Variants in PTPRD observed in about 807,000 individuals in gnomAD.
PTPRD encodes the protein protein tyrosine phosphatase receptor type D, also known as receptor-type tyrosine-protein phosphatase delta.
Under a neutral mutation model 214.5 loss-of-function variants are expected in PTPRD, and 34 were observed. The observed-to-expected ratio is 0.16, with a 90% CI of 0.12 to 0.21. The LOEUF (loss-of-function observed/expected upper bound fraction) is 0.21, where lower values mean the gene tolerates loss of function less well. Among genes scored for constraint, PTPRD ranks in the 10% least tolerant of loss-of-function variants. PTPRD has a pLI of 1.00. For missense variants in PTPRD, 2,545 were observed against 2,398.7 expected, an observed-to-expected ratio of 1.06 and a Z score of -1.27; for synonymous variants, 1,128 against 845.7, an observed-to-expected ratio of 1.33 and a Z score of -5.79.
rs138667693 is a variant in PTPRD at position 8,961,270 on chromosome 9, A to G, written c.-104+57427T>C. Among the ~76,000 whole-genome samples the G allele has an allele frequency of 6.0e-3, 918 of 152,256 alleles. 7 individuals carry two copies. Among genetic ancestry groups the G allele is most frequent in the Middle Eastern group, 0.017 (5 of 294 alleles). On this transcript the variant is annotated intron_variant, in intron 11 of 45. Coordinates refer to ENST00000381196, the MANE Select transcript of PTPRD (RefSeq NM_002839.4). ...TTCCAGGGACAAAGGGCAGATGTACATAAAACACAATGGTATCTTTGTGGA... is the reference window on the plus strand; with the variant it reads ...TTCCAGGGACAAAGGGCAGATGTACGTAAAACACAATGGTATCTTTGTGGA...
At chr9:8,708,959 G>A (rs2154402260) in intron 12 of PTPRD, among the ~76,000 whole-genome samples, 1 of 152,164 alleles carries the variant, frequency 6.6e-6, no homozygotes, top group East Asian at 1.9e-4. Context: ...ATATGGATGA[G>A]TCTGGAGACC....
At chr9:9,236,976 G>T (rs1054892601) in intron 9 of PTPRD, among the ~76,000 whole-genome samples, 1 of 152,062 alleles carries the variant, frequency 6.6e-6, no homozygotes, top group South Asian at 2.1e-4. Flanking sequence ...GCCTCAAAAG[G>T]CTTATTAGTT....
chr9:8,957,250 G>A (rs536857590), intron 11 of PTPRD, among the ~76,000 whole-genome samples: 1 of 151,624 alleles, frequency 6.6e-6, no homozygotes, highest in South Asian at 2.1e-4. Context: ...AATTTTCTGG[G>A]GCTACCTACT....
intron 8 of PTPRD, among the ~76,000 whole-genome samples, chr9:9,520,520 AC>A (rs1356349991): frequency 6.6e-6 from 1 of 152,112 alleles, no homozygotes; most frequent in Non-Finnish European, 1.5e-5. Flanking sequence ...TGGAAGAAAT[AC>A]AGTGTCTTTT....
chr9:8,389,207 G>GA (rs774527529), intron 37 of PTPRD, 25 bp downstream of exon 37: 1 of 1,576,612 alleles, frequency 6.3e-7, no homozygotes, highest in Non-Finnish European at 8.6e-7. Flanking sequence ...TTTTTAAAAG[G>GA]AAAGAGGTGG....
intron 9 of PTPRD, among the ~76,000 whole-genome samples, chr9:9,360,387 A>C (rs763174378): frequency 4.0e-5 from 6 of 151,288 alleles, no homozygotes; most frequent in Non-Finnish European, 7.4e-5. Context: ...CCTTAGACTT[A>C]GGCAAGTAAA....
chr9:10,073,747 T>A (rs1466149777), intron 3 of PTPRD, among the ~76,000 whole-genome samples: 3 of 152,078 alleles, frequency 2.0e-5, no homozygotes, highest in African/African-American at 7.2e-5. Context: ...GTTGAGGAAC[T>A]AAAAGCCTCT....
intron 7 of PTPRD, among the ~76,000 whole-genome samples, chr9:9,649,065 TG>T (rs1476034170): frequency 6.6e-6 from 1 of 152,044 alleles, no homozygotes; most frequent in Non-Finnish European, 1.5e-5. Context: ...CCAGGGGAAT[TG>T]GGCGAGAGTT....
intron 8 of PTPRD, among the ~76,000 whole-genome samples, chr9:9,442,887 C>T (rs1569568365): frequency 1.3e-5 from 2 of 152,022 alleles, no homozygotes; most frequent in African/African-American, 2.4e-5. Context: ...TTATTTGAGC[C>T]ATTGTGGTGT....
chr9:9,476,790 C>T (rs558002245), intron 8 of PTPRD, among the ~76,000 whole-genome samples: 13 of 152,118 alleles, frequency 8.5e-5, no homozygotes, highest in Middle Eastern at 3.4e-3. Context: ...GGCTGGAGGG[C>T]GATGGCACCA....
chr9:9,384,688 C>A lies in PTPRD; in HGVS notation c.-203+12761G>T, dbSNP rs1359069711. On this transcript the variant is annotated intron_variant, in intron 9 of 45. Coordinates refer to ENST00000381196, the MANE Select transcript of PTPRD (RefSeq NM_002839.4). Reference sequence around the variant, plus strand: ...TAACTTGTAGTTGTTGGTTGTTTGCCAATACTAATAAAATGAGCTCCTTGA... The same window carrying A: ...TAACTTGTAGTTGTTGGTTGTTTGCAAATACTAATAAAATGAGCTCCTTGA... Among the ~76,000 whole-genome samples the A allele has an allele frequency of 3.3e-5, 5 of 151,774 alleles. No homozygotes were observed. The East Asian group carries it at 5.8e-4, about 18-fold the overall frequency.
chr9:8,345,029 A>G (rs958348350), intron 39 of PTPRD, among the ~76,000 whole-genome samples: 2 of 75,410 alleles, frequency 2.7e-5, no homozygotes, highest in African/African-American at 6.1e-5. Context: ...TGACAGAATT[A>G]CTTTAGAAAC....
intron 10 of PTPRD, among the ~76,000 whole-genome samples, chr9:9,088,977 A>T (rs2099771633): frequency 6.6e-6 from 1 of 152,208 alleles, no homozygotes; most frequent in Non-Finnish European, 1.5e-5. Context: ...AGCACTCAAT[A>T]AATATGAGCT....
At position 9,525,677 on chromosome 9, in the gene PTPRD, T is replaced by C. The variant is rs569018722; in HGVS notation, c.-237+49055A>G. On this transcript the variant is annotated intron_variant, in intron 8 of 45. Transcript: ENST00000381196. ...TTCAGGAATCTAAAAAGAAATACTT[T>C]ATATTTCTATAGTAAATAATAAAAA... Among the ~76,000 whole-genome samples the C allele has an allele frequency of 6.8e-4, 104 of 152,232 alleles. 1 individual carries two copies. In the South Asian group the frequency reaches 9.1e-3, roughly 13 times the overall value.
intron 11 of PTPRD, among the ~76,000 whole-genome samples, chr9:8,942,257 A>C (rs1284097596): frequency 6.6e-6 from 1 of 152,138 alleles, no homozygotes; most frequent in South Asian, 2.1e-4. Flanking sequence ...CACTTTAACA[A>C]TATACTTTTT....
intron 14 of PTPRD, among the ~76,000 whole-genome samples, chr9:8,623,940 T>C (rs1160001772): frequency 6.6e-6 from 1 of 151,936 alleles, no homozygotes; most frequent in Non-Finnish European, 1.5e-5. Flanking sequence ...TTTCCTATTA[T>C]CTCTTTCAAA....
At chr9:8,479,352 C>T (rs1387753741) in intron 30 of PTPRD, among the ~76,000 whole-genome samples, 1 of 152,098 alleles carries the variant, frequency 6.6e-6, no homozygotes, top group African/African-American at 2.4e-5. Context: ...CATTTCTTCC[C>T]CAAAGTGGCT....
At chr9:10,063,771 C>T (rs73641837) in intron 3 of PTPRD, among the ~76,000 whole-genome samples, 2 of 151,906 alleles carry the variant, frequency 1.3e-5, no homozygotes, top group Admixed American at 6.6e-5. Flanking sequence ...GTAGCAATAC[C>T]AGCTAGTTCA....
chr9:8,637,591 A>G (rs377690606), intron 12 of PTPRD, among the ~76,000 whole-genome samples: 2 of 152,242 alleles, frequency 1.3e-5, no homozygotes, highest in South Asian at 2.1e-4. Context: ...TGTTCCTAAC[A>G]TTCTTCCTCC....
Sources: allele counts gnomAD v4.1 joint callset (sites outside exome capture counted in the v4.1 genomes callset), GRCh38; gene constraint gnomAD v4.1.1; transcripts MANE v1.5; gene names NCBI Gene and HGNC (gene_info 2026-07-23, HGNC 2026-07-21).